SLC22A3: variants seen among roughly 807,000 people sequenced by gnomAD.
The protein encoded by SLC22A3 is solute carrier family 22 member 3.
SLC22A3 carries 51 observed loss-of-function variants against 59.1 expected under a neutral mutation model. The observed-to-expected ratio is 0.86, with a 90% CI of 0.69 to 1.09. The LOEUF (loss-of-function observed/expected upper bound fraction) is 1.09, where lower values mean the gene tolerates loss of function less well. SLC22A3 is among the 50% of genes least tolerant of loss of function. The probability of loss-of-function intolerance (pLI) is 0.00; values close to 1 mark genes in which losing one functional copy is unlikely to be tolerated. For synonymous variants in SLC22A3, 325 were observed against 292.0 expected (o/e 1.11, Z -1.15); for missense variants, 711 against 726.3 (o/e 0.98, Z 0.24).
chr6:160,348,603 C>T lies in SLC22A3; in HGVS notation c.184C>T (p.Arg62Cys), dbSNP rs957872024. Residue 62 changes from arginine to cysteine, a missense_variant, in exon 1 of 11, where the codon CGC becomes TGC. Transcript: ENST00000275300. ...GCCAAGTGCCGCGGCGCTGGCCGAG[C>T]GCTGCGGCTGGAGCCCGGAGGAGGA... Reference protein sequence around the residue: ...RGPSAAALAERCGWSPEEEWN... With the variant: ...RGPSAAALAECCGWSPEEEWN... 12 of 1,510,580 alleles carry T rather than the reference C, an allele frequency of 7.9e-6. No homozygotes were observed. The highest frequency in any genetic ancestry group is 1.1e-5 in the Non-Finnish European group (12 of 1,137,816). 93.6% of individuals were successfully genotyped at this position (1,510,580 alleles called of 1,614,324 possible).
intron 4 of SLC22A3, among the ~76,000 whole-genome samples, 169 bp downstream of exon 4, chr6:160,409,090 A>G (rs995827296): frequency 7.8e-6 from 1 of 128,870 alleles, no homozygotes; most frequent in African/African-American, 3.1e-5. Flanking sequence ...TTACATATGT[A>G]TACATGTGCC....
At chr6:160,423,293 T>C (rs1478212417) in intron 5 of SLC22A3, among the ~76,000 whole-genome samples, 4 of 152,290 alleles carry the variant, frequency 2.6e-5, no homozygotes, top group South Asian at 4.2e-4. Context: ...AATAAACATA[T>C]GTGTGCATGT....
At chr6:160,390,584 A>T (rs1238908064) in intron 1 of SLC22A3, among the ~76,000 whole-genome samples, 1 of 151,446 alleles carries the variant, frequency 6.6e-6, no homozygotes, top group Admixed American at 6.6e-5. Flanking sequence ...AAAGATGTAC[A>T]CTCTCTCCAG....
At chr6:160,403,965 A>G (rs1185315599) in intron 2 of SLC22A3, among the ~76,000 whole-genome samples, 1 of 152,050 alleles carries the variant, frequency 6.6e-6, no homozygotes, top group East Asian at 1.9e-4. Flanking sequence ...CATCATACTT[A>G]ATGACGATAA....
At position 160,452,498 on chromosome 6, in the gene SLC22A3, A is replaced by G. The variant is rs1789007009; in HGVS notation, c.*1442A>G. The stretch of plus-strand genomic sequence containing the variant: ...CTTTTCTCTGCATTTCTCTGCTGTA[A>G]GATGACTGTTGCATTGTTGAATTGT... On this transcript the variant is annotated 3_prime_UTR_variant, in exon 11 of 11. Transcript: ENST00000275300. 1 of 152,260 alleles carries G rather than the reference A, an allele frequency of 6.6e-6. No individual in the cohort carries two copies. 9.4% of individuals were successfully genotyped at this position (152,260 alleles called of 1,614,324 possible). A position where few individuals can be genotyped will look rare whatever the true frequency, so the allele number is the denominator to read the frequency against.
At chr6:160,369,235 A>G (rs1386920819) in intron 1 of SLC22A3, among the ~76,000 whole-genome samples, 1 of 152,218 alleles carries the variant, frequency 6.6e-6, no homozygotes, top group Non-Finnish European at 1.5e-5. Context: ...TGTATTGACA[A>G]ATTATTCCTG....
chr6:160,418,396 T>C (rs1316940856), intron 5 of SLC22A3, among the ~76,000 whole-genome samples: 1 of 152,212 alleles, frequency 6.6e-6, no homozygotes, highest in East Asian at 1.9e-4. Flanking sequence ...TTCCCTACTT[T>C]TGAGGCTTTT....
In SLC22A3 at chr6:160,437,019, C is replaced by G; in HGVS notation, c.1096C>G (p.Gln366Glu). The change falls in exon 7 of 11, where the codon CAA becomes GAA. Residue 366 changes from glutamine to glutamate, a missense_variant. Gln to Glu is a conservative substitution (Grantham distance 29). Coordinates refer to ENST00000275300, the MANE Select transcript of SLC22A3 (RefSeq NM_021977.4). Reference sequence around the variant, plus strand: ...CAGGTTCACAAGCGCAGTGGTGTATCAAGGACTTGTCATGCGCCTGGGAAT... The same window carrying G: ...CAGGTTCACAAGCGCAGTGGTGTATGAAGGACTTGTCATGCGCCTGGGAAT... ...FAWFTSAVVYQGLVMRLGIIG... is the reference protein window; with the variant it reads ...FAWFTSAVVYEGLVMRLGIIG... 6.2e-7 allele frequency: 1 copy of G among 1,614,114 alleles called. No homozygotes were observed.
intron 5 of SLC22A3, chr6:160,426,308 TG>T: frequency 3.0e-6 from 3 of 985,312 alleles, no homozygotes; most frequent in Non-Finnish European, 3.6e-6. Flanking sequence ...ACAGTGGTTT[TG>T]GTTCTTGTGG....
At chr6:160,413,522 T>C (rs1469341809) in intron 5 of SLC22A3, among the ~76,000 whole-genome samples, 1 of 152,224 alleles carries the variant, frequency 6.6e-6, no homozygotes, top group Non-Finnish European at 1.5e-5. Flanking sequence ...TGAGTAGGAA[T>C]CAATCCAGCC....
intron 7 of SLC22A3, among the ~76,000 whole-genome samples, chr6:160,442,247 C>G (rs1287949377): frequency 6.6e-6 from 1 of 152,182 alleles, no homozygotes; most frequent in Non-Finnish European, 1.5e-5. Context: ...TCCAAAGATC[C>G]TGGTCCTCAA....
chr6:160,397,858 AATTT>A (rs1286242967), intron 1 of SLC22A3, 117 bp from the exon 2 acceptor site: 4 of 786,658 alleles, frequency 5.1e-6, no homozygotes, highest in Middle Eastern at 4.6e-4. Context: ...ACATTTTCAA[AATTT>A]ATTTAAAGAG....
intron 1 of SLC22A3, among the ~76,000 whole-genome samples, chr6:160,383,016 A>G (rs1004251536): frequency 1.3e-5 from 2 of 152,210 alleles, no homozygotes; most frequent in Admixed American, 1.3e-4. Flanking sequence ...AAAGAAAAAA[A>G]TACCCACAAA....
At chr6:160,406,993 T>C in intron 2 of SLC22A3, 48 bp from the exon 3 acceptor site, 1 of 1,602,390 alleles carries the variant, frequency 6.2e-7, no homozygotes, top group East Asian at 2.2e-5. Context: ...TCCCATTGTG[T>C]TGAAGAAAAT....
chr6:160,402,085 G>A (rs1043450320), intron 2 of SLC22A3, among the ~76,000 whole-genome samples: 1 of 151,938 alleles, frequency 6.6e-6, no homozygotes, highest in African/African-American at 2.4e-5. Context: ...CTAAAAGACA[G>A]AGATTTTCAC....
chr6:160,414,471 T>G lies in SLC22A3; in HGVS notation c.975+3625T>G, dbSNP rs1787388930. Among the ~76,000 whole-genome samples the G allele has an allele frequency of 3.3e-5, 5 of 152,366 alleles. No individual in the cohort carries two copies. In the South Asian group the frequency reaches 1.0e-3, roughly 32 times the overall value. On this transcript the variant is annotated intron_variant, in intron 5 of 10. Transcript: ENST00000275300. ...TGAGTTGAGTGTGTTTATTTAAACA[T>G]AGTTTATATGTTTCAATCCTTTGCA...
chr6:160,351,943 C>T (rs1040671619), intron 1 of SLC22A3, among the ~76,000 whole-genome samples: 2 of 152,186 alleles, frequency 1.3e-5, no homozygotes, highest in African/African-American at 4.8e-5. Flanking sequence ...TCAAGCAAGT[C>T]CATGAAACAT....
At chr6:160,434,559 A>G (rs1204475396) in intron 5 of SLC22A3, among the ~76,000 whole-genome samples, 1 of 152,256 alleles carries the variant, frequency 6.6e-6, no homozygotes, top group African/African-American at 2.4e-5. Flanking sequence ...CTAGAATCTA[A>G]TATCACACAC....
At chr6:160,435,513 G>T (rs1468804444) in intron 5 of SLC22A3, among the ~76,000 whole-genome samples, 1 of 152,198 alleles carries the variant, frequency 6.6e-6, no homozygotes, top group Non-Finnish European at 1.5e-5. Context: ...TTTTGTGTGT[G>T]TGTGACTTTC....
Sources: gnomAD v4.1 joint callset for allele counts (sites outside exome capture counted in the v4.1 genomes callset) on GRCh38, gnomAD v4.1.1 for gene constraint, MANE v1.5 for transcripts, NCBI Gene and HGNC (gene_info 2026-07-23, HGNC 2026-07-21) for gene names.